Variants in ZNF808 observed in about 807,000 individuals in gnomAD.
The protein encoded by ZNF808 is zinc finger protein 808.
In ZNF808, 5 loss-of-function variants were observed where a neutral mutation model predicts 8.7. The ratio of observed to expected loss-of-function variants is 0.58; its 90% CI spans 0.30 to 1.21. The LOEUF is 1.21. ZNF808 is among the 50% of genes most tolerant of loss of function. The pLI is 0.07. For synonymous variants in ZNF808, 380 were observed against 366.0 expected, an observed-to-expected ratio of 1.04 and a Z score of -0.44; for missense variants, 1,103 against 1,098.4, an observed-to-expected ratio of 1.00 and a Z score of -0.06.
downstream of ZNF808, among the ~76,000 whole-genome samples, chr19:52,566,551 A>G (rs978294061): frequency 1.3e-5 from 2 of 152,216 alleles, no homozygotes; most frequent in African/African-American, 2.4e-5. Context: ...ATAGATAATT[A>G]CATAGATACA....
chr19:52,532,256 C>T (rs4802971), intron 1 of ZNF808, among the ~76,000 whole-genome samples: 28,954 of 151,020 alleles, frequency 0.19, 3,394 homozygotes, highest in East Asian at 0.5. Flanking sequence ...GATGGAATCT[C>T]GCTCTGTCAC....
At chr19:52,543,378 G>T in intron 3 of ZNF808, 31 bp downstream of exon 3, 1 of 1,604,842 alleles carries the variant, frequency 6.2e-7, no homozygotes, top group Non-Finnish European at 8.5e-7. Context: ...GGATTAATCT[G>T]TCTCTTTCCT....
At chr19:52,544,307 G>A (rs965478864) in intron 3 of ZNF808, among the ~76,000 whole-genome samples, 6 of 152,082 alleles carry the variant, frequency 3.9e-5, no homozygotes, top group Non-Finnish European at 8.8e-5. Context: ...ATAGGCATGG[G>A]TCACCATATG....
rs1600044132 is a variant in ZNF808, at chr19:52,555,738, G to A, written c.*110G>A. 3.4e-6 allele frequency: 5 copies of A among 1,474,116 alleles called. No homozygotes were observed. The highest frequency in any genetic ancestry group is 1.8e-6 in the Non-Finnish European group (2 of 1,083,562). The allele number at this position is 1,474,116 out of a possible 1,614,324, so 91.3% of individuals were successfully genotyped here. ...TGTAATAAATGTGGCATGTTTTTCA[G>A]ACATTGTTCATACATTGCAGTTCAT... is the stretch of plus-strand genomic sequence containing the variant. On this transcript the variant is annotated 3_prime_UTR_variant, in exon 5 of 5. Transcript: ENST00000359798.
Position 52,553,868 on chromosome 19 carries a change from A to C in ZNF808, c.952A>C (p.Asn318His). 1 of 1,614,172 alleles carries C rather than the reference A, an allele frequency of 6.2e-7. No homozygotes were observed. The highest frequency in any genetic ancestry group is 1.1e-5 in the South Asian group (1 of 91,080). Reference protein sequence around the residue: ...LHTGVKPYKCNECGKVFRQNS... With the variant: ...LHTGVKPYKCHECGKVFRQNS... ...TACTGGAGTAAAACCTTACAAGTGT[A>C]ATGAGTGTGGCAAGGTCTTTCGTCA... is the stretch of plus-strand genomic sequence containing the variant. Residue 318 changes from asparagine to histidine, a missense_variant, in exon 5 of 5, where the codon AAT becomes CAT. Physicochemically the swap from Asn to His is moderately conservative, Grantham distance 68. Transcript: ENST00000359798.
At chr19:52,527,884 T>C (rs2059523805) in intron 1 of ZNF808, 173 bp downstream of exon 1, 1 of 152,524 alleles carries the variant, frequency 6.6e-6, no homozygotes, top group African/African-American at 2.4e-5. Context: ...GGGTTTAAAG[T>C]CGTCTGGAGG....
Position 52,555,019 on chromosome 19 carries a change from C to G in ZNF808, c.2103C>G (p.His701Gln). Reference protein sequence around the residue: ...RSYVAKHTRIHSGMKPYKCNE... With the variant: ...RSYVAKHTRIQSGMKPYKCNE... ...ATGTGGCAAAACATACTAGAATTCA[C>G]AGTGGAATGAAACCTTACAAGTGTA... The change falls in exon 5 of 5, where the codon CAC (histidine) becomes CAG (glutamine). Residue 701 changes from histidine (H) to glutamine (Q), a missense_variant. Physicochemically the swap from His to Gln is conservative, Grantham distance 24. Transcript: ENST00000359798. The G allele has an allele frequency of 6.2e-7, 1 of 1,613,738 alleles. No homozygotes were observed. The highest frequency in any genetic ancestry group is 8.5e-7 in the Non-Finnish European group (1 of 1,179,952).
At chr19:52,537,422 C>T (rs1241778052) in intron 2 of ZNF808, among the ~76,000 whole-genome samples, 4 of 152,074 alleles carry the variant, frequency 2.6e-5, no homozygotes, top group Non-Finnish European at 4.4e-5. Context: ...TGCAGTGGCT[C>T]ATGCCTGTAA....
At chr19:52,547,228 A>G (rs1272484032) in intron 3 of ZNF808, among the ~76,000 whole-genome samples, 2 of 152,110 alleles carry the variant, frequency 1.3e-5, no homozygotes, top group Admixed American at 1.3e-4. Context: ...GATTACAGGC[A>G]TGAACCACCT....
chr19:52,535,657 G>A (rs1469963899), intron 2 of ZNF808, among the ~76,000 whole-genome samples: 2 of 152,248 alleles, frequency 1.3e-5, no homozygotes, highest in Non-Finnish European at 2.9e-5. Flanking sequence ...ATGGAGAATA[G>A]AAAGGGGGAG....
chr19:52,535,502 C>G (rs2059599110), intron 2 of ZNF808, among the ~76,000 whole-genome samples: 2 of 152,078 alleles, frequency 1.3e-5, no homozygotes, highest in Non-Finnish European at 2.9e-5. Context: ...CAGGCTTCCG[C>G]CCCGTGCCCG....
chr19:52,544,702 C>T (rs150133493), intron 3 of ZNF808, among the ~76,000 whole-genome samples: 12 of 152,166 alleles, frequency 7.9e-5, no homozygotes, highest in Non-Finnish European at 1.6e-4. Flanking sequence ...TTGCTTTAGC[C>T]TTGATATCCT....
At chr19:52,532,650 C>T (rs572748191) in intron 1 of ZNF808, among the ~76,000 whole-genome samples, 2 of 152,270 alleles carry the variant, frequency 1.3e-5, no homozygotes, top group South Asian at 4.1e-4. Context: ...ATACTCCTTA[C>T]TTTAGGCTTA....
chr19:52,557,065 G>T (rs75900421), downstream of ZNF808, among the ~76,000 whole-genome samples: 2,072 of 152,152 alleles, frequency 0.014, 59 homozygotes, highest in African/African-American at 0.047. Flanking sequence ...CTGCCTCCCG[G>T]CATCAAGTGA....
chr19:52,558,929 G>T (rs376830586), downstream of ZNF808, among the ~76,000 whole-genome samples: 1 of 152,188 alleles, frequency 6.6e-6, no homozygotes, highest in East Asian at 1.9e-4. Flanking sequence ...AGAAGACAGC[G>T]TGCTTGTTAA....
At chr19:52,536,401 C>A (rs113815375) in intron 2 of ZNF808, among the ~76,000 whole-genome samples, 3 of 152,156 alleles carry the variant, frequency 2.0e-5, no homozygotes, top group Non-Finnish European at 4.4e-5. Context: ...TCTTCGGCCC[C>A]TGGAGCGAAG....
downstream of ZNF808, among the ~76,000 whole-genome samples, chr19:52,567,411 GTTTTCTTTTTT>G (rs991821780): frequency 8.9e-5 from 13 of 146,444 alleles, no homozygotes; most frequent in Admixed American, 2.0e-4. Flanking sequence ...GTAACTGGTA[GTTTTCTTTTTT>G]TTTTCTTTTT....
At chr19:52,535,595 C>G (rs1274567856) in intron 2 of ZNF808, among the ~76,000 whole-genome samples, 2 of 152,152 alleles carry the variant, frequency 1.3e-5, no homozygotes, top group Non-Finnish European at 2.9e-5. Flanking sequence ...AGGCGGAGGC[C>G]CTAGGGAAGT....
intron 2 of ZNF808, among the ~76,000 whole-genome samples, chr19:52,537,075 A>G (rs770046879): frequency 6.6e-6 from 1 of 152,106 alleles, no homozygotes; most frequent in Admixed American, 6.6e-5. Flanking sequence ...AATGTCAGCT[A>G]TTAGGGAGGC....
Sources: gnomAD v4.1 joint callset for allele counts (sites outside exome capture counted in the v4.1 genomes callset) on GRCh38, gnomAD v4.1.1 for gene constraint, MANE v1.5 for transcripts, NCBI Gene and HGNC (gene_info 2026-07-23, HGNC 2026-07-21) for gene names.